Variants in CTNNA3 observed in about 807,000 individuals in gnomAD.
The protein encoded by CTNNA3 is catenin alpha 3, also known as catenin alpha-3.
CTNNA3 carries 76 observed loss-of-function variants against 95.7 expected under a neutral mutation model. That is an observed-to-expected ratio of 0.79 (90% CI 0.66 to 0.96). CTNNA3 has a LOEUF of 0.96. Ranked by LOEUF, CTNNA3 falls within the 40% of genes least tolerant of loss-of-function variation. The pLI is 0.00. For missense variants in CTNNA3, 1,191 were observed against 1,089.8 expected (o/e 1.09, Z -1.31); for synonymous variants, 431 against 374.4 (o/e 1.15, Z -1.74).
intron 5 of CTNNA3, among the ~76,000 whole-genome samples, chr10:67,465,567 G>C (rs1847558498): frequency 6.6e-6 from 1 of 152,116 alleles, no homozygotes; most frequent in Non-Finnish European, 1.5e-5. Context: ...TTTCAAAAAA[G>C]GGTCCACAGC....
intron 13 of CTNNA3, among the ~76,000 whole-genome samples, chr10:66,268,894 A>C (rs758660197): frequency 6.6e-6 from 1 of 152,232 alleles, no homozygotes; most frequent in Non-Finnish European, 1.5e-5. Flanking sequence ...CAAGATTGAA[A>C]GATACTGAAT....
intron 7 of CTNNA3, among the ~76,000 whole-genome samples, chr10:67,140,678 G>T (rs1025148061): frequency 1.3e-5 from 2 of 152,152 alleles, no homozygotes; most frequent in Admixed American, 1.3e-4. Flanking sequence ...CAAAGACTGT[G>T]ATATTAGTGA....
At chr10:67,231,051 G>A (rs1327188844) in intron 5 of CTNNA3, among the ~76,000 whole-genome samples, 1 of 152,172 alleles carries the variant, frequency 6.6e-6, no homozygotes, top group East Asian at 1.9e-4. Context: ...CTGATTGCTA[G>A]CACAGCAGTC....
At chr10:67,398,800 C>T (rs1212631159) in intron 5 of CTNNA3, among the ~76,000 whole-genome samples, 1 of 152,104 alleles carries the variant, frequency 6.6e-6, no homozygotes, top group East Asian at 1.9e-4. Flanking sequence ...CTCATGAGAT[C>T]TGATGGTTTT....
intron 12 of CTNNA3, among the ~76,000 whole-genome samples, chr10:66,286,818 G>A (rs773937684): frequency 1.2e-4 from 19 of 152,030 alleles, no homozygotes; most frequent in Non-Finnish European, 2.6e-4. Flanking sequence ...TTGCACAGTT[G>A]TCTATAATTA....
chr10:66,608,834 C>G (rs999045625), intron 10 of CTNNA3, among the ~76,000 whole-genome samples: 5 of 152,022 alleles, frequency 3.3e-5, no homozygotes, highest in Admixed American at 6.6e-5. Flanking sequence ...CCAATAAAAA[C>G]CCTGGAAGAC....
intron 10 of CTNNA3, among the ~76,000 whole-genome samples, chr10:66,533,004 TCA>T (rs1841524407): frequency 6.6e-6 from 1 of 152,146 alleles, no homozygotes; most frequent in Non-Finnish European, 1.5e-5. Flanking sequence ...TCATTATCTC[TCA>T]GTGACAACTG....
chr10:66,705,960 T>C (rs1848103308), intron 9 of CTNNA3, among the ~76,000 whole-genome samples: 1 of 152,100 alleles, frequency 6.6e-6, no homozygotes, highest in African/African-American at 2.4e-5. Flanking sequence ...ATCTTTGACA[T>C]CACTTTATAG....
chr10:67,298,804 G>T (rs1297493060), intron 5 of CTNNA3, among the ~76,000 whole-genome samples: 1 of 152,170 alleles, frequency 6.6e-6, no homozygotes, highest in Non-Finnish European at 1.5e-5. Flanking sequence ...TGTGCAAATA[G>T]CATCACAACC....
chr10:67,502,216 TG>T (rs774836484), intron 5 of CTNNA3, among the ~76,000 whole-genome samples: 1 of 152,164 alleles, frequency 6.6e-6, no homozygotes, highest in Non-Finnish European at 1.5e-5. Flanking sequence ...TTCCTTCTAA[TG>T]GTCAGGCCCC....
At chr10:66,455,185 C>A (rs777440498) in intron 11 of CTNNA3, among the ~76,000 whole-genome samples, 21 of 152,104 alleles carry the variant, frequency 1.4e-4, no homozygotes, top group Non-Finnish European at 2.8e-4. Context: ...ATTGGCTTTT[C>A]TCTTAAGATT....
At chr10:66,471,944 G>C (rs1027551091) in intron 11 of CTNNA3, among the ~76,000 whole-genome samples, 1 of 151,846 alleles carries the variant, frequency 6.6e-6, no homozygotes, top group African/African-American at 2.4e-5. Flanking sequence ...ATCTTTTATG[G>C]GTTAGACTTT....
chr10:67,168,074 T>A (rs1273913209), intron 7 of CTNNA3, among the ~76,000 whole-genome samples: 1 of 152,180 alleles, frequency 6.6e-6, no homozygotes, highest in African/African-American at 2.4e-5. Context: ...GGCCAGGGAT[T>A]GCAGTGAGCC....
chr10:66,650,071 C>T (rs1431793753), intron 9 of CTNNA3, among the ~76,000 whole-genome samples: 1 of 152,176 alleles, frequency 6.6e-6, no homozygotes, highest in Admixed American at 6.5e-5. Flanking sequence ...AATAAGTAAA[C>T]ATCAGATTAA....
intron 14 of CTNNA3, among the ~76,000 whole-genome samples, chr10:66,099,448 CAG>C: frequency 6.6e-6 from 1 of 152,116 alleles, no homozygotes; most frequent in African/African-American, 2.4e-5. Context: ...GTATGGAACA[CAG>C]ATATTAGTAT....
In CTNNA3 at chr10:66,295,913, T is replaced by G. The variant is rs184183749; in HGVS notation, c.1733-15292A>C. The stretch of plus-strand genomic sequence containing the variant: ...AACATTAACTCTTTTGTCTCTGGCT[T>G]CAGTAGGAAAAATTTTGGAGATGGC... On this transcript the variant is annotated intron_variant, in intron 12 of 17. Coordinates refer to ENST00000433211, the MANE Select transcript of CTNNA3 (RefSeq NM_013266.4). Among the ~76,000 whole-genome samples, 257 of 144,372 alleles carry G rather than the reference T, an allele frequency of 1.8e-3. 2 individuals are homozygous for G. Among genetic ancestry groups the G allele is most frequent in the African/African-American group, 6.8e-3 (251 of 37,048 alleles). The allele number at this position is 144,372 out of a possible 152,430, so 94.7% of individuals were successfully genotyped here.
At chr10:67,126,123 A>G (rs751939391) in intron 7 of CTNNA3, among the ~76,000 whole-genome samples, 7 of 152,370 alleles carry the variant, frequency 4.6e-5, no homozygotes, top group South Asian at 2.1e-4. Context: ...AAGAAATACT[A>G]ATTTTATTAT....
chr10:66,901,673 T>G (rs367864269), intron 7 of CTNNA3, among the ~76,000 whole-genome samples: 1 of 152,014 alleles, frequency 6.6e-6, no homozygotes, highest in African/African-American at 2.4e-5. Flanking sequence ...AATAAAGGGA[T>G]GGAGGAAGAT....
rs532493562 is a variant in CTNNA3 at position 66,078,940 on chromosome 10, A to C, written c.1978-9451T>G. 5.3e-5 allele frequency: 8 copies of C among 152,112 alleles called. No individual in the cohort carries two copies. In the East Asian group the frequency reaches 1.2e-3, roughly 22 times the overall value. 9.4% of individuals were successfully genotyped at this position (152,112 alleles called of 1,614,324 possible). ...TTATACTTTGCTTATAATTTGAATA[A>C]GTTTGGTTACCTGAATTCCATGACC... On this transcript the variant is annotated intron_variant, in intron 14 of 17. Coordinates refer to ENST00000433211, the MANE Select transcript of CTNNA3 (RefSeq NM_013266.4).
Sources: gnomAD v4.1 joint callset for allele counts (sites outside exome capture counted in the v4.1 genomes callset) on GRCh38, gnomAD v4.1.1 for gene constraint, MANE v1.5 for transcripts, NCBI Gene and HGNC (gene_info 2026-07-23, HGNC 2026-07-21) for gene names.